The following TP63 variants were observed in gnomAD, a reference collection of about 807,000 sequenced individuals.
TP63 encodes the protein tumor protein p63.
Under a neutral mutation model 82.8 loss-of-function variants are expected in TP63, and 17 were observed. The observed-to-expected ratio is 0.21, with a 90% confidence interval of 0.14 to 0.31. TP63 has a LOEUF of 0.31. Among genes scored for constraint, TP63 ranks in the 10% least tolerant of loss-of-function variants. The probability of loss-of-function intolerance (pLI) is 1.00; values close to 1 mark genes in which losing one functional copy is unlikely to be tolerated. For synonymous variants in TP63, 330 were observed against 321.7 expected (o/e 1.03, Z -0.28); for missense variants, 648 against 895.3 (o/e 0.72, Z 3.52).
the TP63 span, among the ~76,000 whole-genome samples, chr3:189,615,729 G>A: frequency 9.9e-5 from 15 of 152,232 alleles, no homozygotes; most frequent in Admixed American, 3.3e-4. Flanking sequence ...ATCTATTTAT[G>A]TCGTTACCTC....
chr3:189,869,435 C>T (rs2108810011), intron 9 of TP63, 29 bp downstream of exon 9: 3 of 1,595,898 alleles, frequency 1.9e-6, no homozygotes, highest in Non-Finnish European at 2.6e-6. Flanking sequence ...TTCATGGTTG[C>T]TTCATTTTAA....
At chr3:189,666,754 T>C (rs1714422399) in intron 1 of TP63, among the ~76,000 whole-genome samples, 1 of 152,114 alleles carries the variant, frequency 6.6e-6, no homozygotes, top group South Asian at 2.1e-4. Context: ...TAATTCATTC[T>C]CCTAAATTCA....
At chr3:189,748,712 G>A in intron 3 of TP63, among the ~76,000 whole-genome samples, 1 of 151,494 alleles carries the variant, frequency 6.6e-6, no homozygotes, top group Non-Finnish European at 1.5e-5. Context: ...ATAAAAAAGA[G>A]CCCAAATATC....
intron 4 of TP63, among the ~76,000 whole-genome samples, chr3:189,848,668 T>C (rs1232559531): frequency 1.3e-5 from 2 of 152,254 alleles, no homozygotes; most frequent in African/African-American, 4.8e-5. Flanking sequence ...AATTAGAATA[T>C]AATATTGTAG....
At chr3:189,766,906 T>G (rs1370794628) in intron 3 of TP63, among the ~76,000 whole-genome samples, 1 of 152,198 alleles carries the variant, frequency 6.6e-6, no homozygotes. Context: ...ATTAAACTCT[T>G]TGGATGAAAT....
intron 1 of TP63, among the ~76,000 whole-genome samples, chr3:189,720,173 A>G (rs56165954): frequency 0.25 from 38,035 of 152,126 alleles, 5,592 homozygotes; most frequent in East Asian, 0.36. Flanking sequence ...GGTAGACTAA[A>G]GCATCATTGC....
At chr3:189,789,812 G>T in intron 3 of TP63, 5 of 1,595,318 alleles carry the variant, frequency 3.1e-6, no homozygotes, top group Non-Finnish European at 3.4e-6. Flanking sequence ...TGTTGTACCT[G>T]GAAAACAATG....
At chr3:189,829,382 C>A (rs769956958) in intron 4 of TP63, among the ~76,000 whole-genome samples, 71 of 152,320 alleles carry the variant, frequency 4.7e-4, no homozygotes, top group Non-Finnish European at 8.4e-4. Flanking sequence ...GAAAACTAGA[C>A]CCATGTAAAC....
intron 3 of TP63, among the ~76,000 whole-genome samples, chr3:189,774,135 G>A (rs1723593283): frequency 6.6e-6 from 1 of 151,884 alleles, no homozygotes; most frequent in Non-Finnish European, 1.5e-5. Context: ...TGTTAGCCAG[G>A]ATGGTCTCGA....
chr3:189,666,565 AAG>A (rs1036095931), intron 1 of TP63, among the ~76,000 whole-genome samples: 11 of 152,260 alleles, frequency 7.2e-5, no homozygotes, highest in African/African-American at 1.9e-4. Flanking sequence ...AAAGGAGAGA[AAG>A]AGAATGAAAT....
At chr3:189,636,545 C>T (rs1002954925) in intron 1 of TP63, among the ~76,000 whole-genome samples, 4 of 152,042 alleles carry the variant, frequency 2.6e-5, no homozygotes, top group Non-Finnish European at 5.9e-5. Context: ...ATGTAACTAA[C>T]GAAACCAATT....
At chr3:189,799,182 A>G (rs1426179841) in intron 3 of TP63, among the ~76,000 whole-genome samples, 2 of 152,110 alleles carry the variant, frequency 1.3e-5, no homozygotes, top group African/African-American at 2.4e-5. Context: ...TATCATTTGC[A>G]AGAAAGGATT....
At chr3:189,618,599 A>C in the TP63 span, among the ~76,000 whole-genome samples, 2 of 152,098 alleles carry the variant, frequency 1.3e-5, no homozygotes, top group Admixed American at 6.6e-5. Flanking sequence ...TTACATGGAT[A>C]TTAACAGTCC....
rs533880390 is a variant in TP63, at chr3:189,841,604, A to G, written c.580-22628A>G. On this transcript the variant is annotated intron_variant, in intron 4 of 13. Coordinates refer to ENST00000264731, the MANE Select transcript of TP63 (RefSeq NM_003722.5). Reference sequence around the variant, plus strand: ...ACAAATCTACCAGGAAAGAGAACCAATATGTGTGGTATTATATCGCCAAGG... The same window carrying G: ...ACAAATCTACCAGGAAAGAGAACCAGTATGTGTGGTATTATATCGCCAAGG... 1.6e-3 allele frequency among the ~76,000 whole-genome samples: 250 copies of G among 152,294 alleles called. 2 individuals are homozygous for G. The highest frequency in any genetic ancestry group is 5.4e-3 in the African/African-American group (224 of 41,574).
At chr3:189,804,295 G>A (rs1726642544) in intron 3 of TP63, among the ~76,000 whole-genome samples, 2 of 152,216 alleles carry the variant, frequency 1.3e-5, no homozygotes, top group Admixed American at 6.5e-5. Flanking sequence ...CAGATTTGCT[G>A]TGATAGAAAA....
intron 1 of TP63, among the ~76,000 whole-genome samples, chr3:189,659,293 C>T (rs980835497): frequency 6.6e-6 from 1 of 151,956 alleles, no homozygotes; most frequent in Non-Finnish European, 1.5e-5. Context: ...CCCACTTATA[C>T]ATGAGAGCAT....
In TP63 at chr3:189,895,384, A is replaced by G. The variant is rs1391622645; in HGVS notation, c.*882A>G. ...AACCCCCTTAAATTTAATACCAGATACCTTATCTTACAATATTGATTGGGA... is the reference window on the plus strand; with the variant it reads ...AACCCCCTTAAATTTAATACCAGATGCCTTATCTTACAATATTGATTGGGA... On this transcript the variant is annotated 3_prime_UTR_variant, in exon 14 of 14. Coordinates refer to ENST00000264731, the MANE Select transcript of TP63 (RefSeq NM_003722.5). 2.3e-5 allele frequency: 5 copies of G among 216,598 alleles called. No homozygotes were observed. The highest frequency in any genetic ancestry group is 1.2e-4 in the Admixed American group (2 of 17,248). 13.4% of individuals were successfully genotyped at this position (216,598 alleles called of 1,614,324 possible).
chr3:189,604,191 C>T, the TP63 span, among the ~76,000 whole-genome samples: 1 of 152,202 alleles, frequency 6.6e-6, no homozygotes, highest in Non-Finnish European at 1.5e-5. Context: ...ACCTCGGAAC[C>T]TTTAAGAAAT....
chr3:189,880,061 C>T (rs772159331), intron 10 of TP63: 1 of 1,613,632 alleles, frequency 6.2e-7, no homozygotes, highest in Admixed American at 1.7e-5. Context: ...TTCCTCTCTG[C>T]AGTCTCCTTT....
Sources: allele counts gnomAD v4.1 joint callset (sites outside exome capture counted in the v4.1 genomes callset), GRCh38; gene constraint gnomAD v4.1.1; transcripts MANE v1.5; gene names NCBI Gene and HGNC (gene_info 2026-07-23, HGNC 2026-07-21).